TRRAP: variants seen among roughly 807,000 people sequenced by gnomAD.
TRRAP encodes the protein transformation/transcription domain associated protein, also known as transformation/transcription domain-associated protein.
Under a neutral mutation model 438.8 loss-of-function variants are expected in TRRAP, and 41 were observed. That is an observed-to-expected ratio of 0.09 (90% CI 0.07 to 0.12). The LOEUF is 0.12. Among genes scored for constraint, TRRAP ranks in the 10% least tolerant of loss-of-function variants. The probability of loss-of-function intolerance (pLI) is 1.00; values close to 1 mark genes in which losing one functional copy is unlikely to be tolerated. For missense variants in TRRAP, 3,122 were observed against 5,055.1 expected (o/e 0.62, Z 11.60); for synonymous variants, 1,994 against 1,962.9 (o/e 1.02, Z -0.42).
At chr7:98,909,072 G>A in intron 14 of TRRAP, 110 bp downstream of exon 14, 1 of 1,036,900 alleles carries the variant, frequency 9.6e-7, no homozygotes, top group East Asian at 2.6e-5. Context: ...TGCCTAGGCT[G>A]AAGTGCAGTG....
At chr7:98,913,831 T>G (rs1208070504) in intron 18 of TRRAP, among the ~76,000 whole-genome samples, 2 of 152,190 alleles carry the variant, frequency 1.3e-5, no homozygotes, top group African/African-American at 4.8e-5. Flanking sequence ...CATAGTTATA[T>G]TACTAAAAGC....
At chr7:98,932,515 A>T (rs1790368026) in intron 26 of TRRAP, among the ~76,000 whole-genome samples, 3 of 150,834 alleles carry the variant, frequency 2.0e-5, no homozygotes, top group Non-Finnish European at 1.5e-5. Context: ...TTTTCCAGCT[A>T]TTTTTTTTTA....
chr7:98,966,920 T>C, intron 49 of TRRAP, 121 bp from the exon 50 acceptor site: 1 of 1,018,282 alleles, frequency 9.8e-7, no homozygotes, highest in Admixed American at 2.7e-5. Flanking sequence ...AAGCCATCTT[T>C]GCCTTACTGT....
chr7:98,931,049 C>T (rs946137991), intron 25 of TRRAP, among the ~76,000 whole-genome samples: 1 of 152,342 alleles, frequency 6.6e-6, no homozygotes, highest in East Asian at 1.9e-4. Context: ...AGAACAGTTA[C>T]AGGCCACAGT....
chr7:98,951,710 G>A (rs561589499), intron 39 of TRRAP, among the ~76,000 whole-genome samples: 2 of 152,314 alleles, frequency 1.3e-5, no homozygotes, highest in African/African-American at 2.4e-5. Flanking sequence ...TCAAGGCAGA[G>A]GGGACTGTTG....
chr7:98,943,357 C>G (rs1790889850), intron 31 of TRRAP, among the ~76,000 whole-genome samples: 1 of 152,210 alleles, frequency 6.6e-6, no homozygotes, highest in Non-Finnish European at 1.5e-5. Context: ...CAGCTGCTGT[C>G]TACATGGTGG....
At chr7:98,914,501 A>G (rs897635740) in intron 18 of TRRAP, among the ~76,000 whole-genome samples, 1 of 152,124 alleles carries the variant, frequency 6.6e-6, no homozygotes, top group Non-Finnish European at 1.5e-5. Flanking sequence ...ATTAGATATG[A>G]CTATGCAGAA....
At chr7:98,884,604 C>T (rs1795609482) in intron 3 of TRRAP, among the ~76,000 whole-genome samples, 1 of 152,164 alleles carries the variant, frequency 6.6e-6, no homozygotes, top group South Asian at 2.1e-4. Flanking sequence ...TGTGTGCAGT[C>T]CAGCCCTCAG....
rs778834792 is a variant in TRRAP at position 98,976,618 on chromosome 7, G to T, written c.8095G>T (p.Val2699Phe). Residue 2699 changes from valine (V) to phenylalanine (F), a missense_variant, in exon 55 of 73, where the codon GTC becomes TTC. Transcript: ENST00000456197. This position sits in a 1 kb window ranked among gnomAD's most constrained non-coding sequence, Gnocchi z 4.6. ...GCCGCCAATCCCCATCCGACCCTGC[G>T]TCCTGAAGTACCTGGGGAAGACACA... ...CVPPIPIRPC[V>F]LKYLGKTHNL... The T allele has an allele frequency of 6.2e-7, 1 of 1,614,196 alleles. No homozygotes were observed. The highest frequency in any genetic ancestry group is 8.5e-7 in the Non-Finnish European group (1 of 1,180,044).
intron 33 of TRRAP, among the ~76,000 whole-genome samples, chr7:98,947,797 C>T (rs1464628283): frequency 1.3e-5 from 2 of 152,192 alleles, no homozygotes; most frequent in East Asian, 1.9e-4. Flanking sequence ...GCCCTTAGAA[C>T]TTAGTGTGTT....
chr7:98,957,174 G>A (rs1554420046), intron 43 of TRRAP, among the ~76,000 whole-genome samples: 3 of 152,158 alleles, frequency 2.0e-5, no homozygotes, highest in Admixed American at 6.5e-5. Flanking sequence ...TCACTCTGCC[G>A]CAAATAACTC....
chr7:98,937,263 G>A lies in TRRAP; in HGVS notation c.4219G>A (p.Ala1407Thr), dbSNP rs782805715. 4 of 1,612,532 alleles carry A rather than the reference G, an allele frequency of 2.5e-6. No homozygotes were observed. The highest frequency in any genetic ancestry group is 2.2e-5 in the South Asian group (2 of 91,006). The stretch of plus-strand genomic sequence containing the variant: ...TAGTGAGCTCCAAGAGGCCGGAGAA[G>A]CCTGTATGAGAAAGGTGAGTGTGTG... ...TNSELQEAGE[A>T]CMRKFLEGAT... The change falls in exon 29 of 73, where the codon GCC becomes ACC. Residue 1407 changes from alanine (A) to threonine (T), a missense_variant. This residue lies in a region of TRRAP where 108 missense variants were observed against 256.9 expected (regional missense o/e 0.42). Transcript: ENST00000456197.
At chr7:98,902,908 T>TAAA (rs34223624) in intron 11 of TRRAP, among the ~76,000 whole-genome samples, 1,409 of 132,030 alleles carry the variant, frequency 0.011, 15 homozygotes, top group South Asian at 0.017. Context: ...CCCCCATTTC[T>TAAA]AAAAAAAAAA....
intron 13 of TRRAP, among the ~76,000 whole-genome samples, chr7:98,907,234 A>T (rs576374710): frequency 2.4e-3 from 361 of 152,172 alleles, no homozygotes; most frequent in Middle Eastern, 6.8e-3. Flanking sequence ...GAGGCAGGGG[A>T]ATCGCTTGAA....
chr7:98,928,039 A>T (rs974698354), intron 23 of TRRAP, among the ~76,000 whole-genome samples: 2 of 152,066 alleles, frequency 1.3e-5, no homozygotes, highest in African/African-American at 4.8e-5. Flanking sequence ...GGGAGTTCGA[A>T]ACCAGCCTGA....
Position 98,951,010 on chromosome 7 carries a change from A to G in TRRAP, c.5463+6A>G. On this transcript the variant is annotated splice_donor_region_variant and intron_variant, in intron 39 of 72. Coordinates refer to ENST00000456197, the MANE Select transcript of TRRAP (RefSeq NM_001375524.1). ...CCAGTGTGTTTATTACCAAGGTGGTATCACTATGTGTGTGGGTGTGAGAAG... is the reference window on the plus strand; with the variant it reads ...CCAGTGTGTTTATTACCAAGGTGGTGTCACTATGTGTGTGGGTGTGAGAAG... 2 of 1,588,112 alleles carry G rather than the reference A, an allele frequency of 1.3e-6. No homozygotes were observed. The highest frequency in any genetic ancestry group is 1.7e-6 in the Non-Finnish European group (2 of 1,169,020).
In TRRAP at chr7:98,964,563, T is replaced by TG. The variant is rs927491928; in HGVS notation, c.6830-65dup. The stretch of plus-strand genomic sequence containing the variant: ...GAATACATTGTTTTGAATAATGTGT[T>TG]GCTTTCACTCTGTTTTTCGTGGTTG... On this transcript the variant is annotated intron_variant, in intron 47 of 72. Coordinates refer to ENST00000456197, the MANE Select transcript of TRRAP (RefSeq NM_001375524.1). 3.8e-6 allele frequency: 6 copies of TG among 1,568,014 alleles called. No homozygotes were observed. The African/African-American group carries it at 8.1e-5, about 21-fold the overall frequency.
At chr7:98,902,736 C>T (rs144197016) in intron 11 of TRRAP, among the ~76,000 whole-genome samples, 7 of 152,106 alleles carry the variant, frequency 4.6e-5, no homozygotes, top group Admixed American at 2.6e-4. Context: ...GTTGACTCCA[C>T]TGTTGTTCAC....
chr7:98,953,246 A>G lies in TRRAP; in HGVS notation c.5543A>G (p.Glu1848Gly). 6.2e-7 allele frequency: 1 copy of G among 1,613,510 alleles called. No individual in the cohort carries two copies. The highest frequency in any genetic ancestry group is 8.5e-7 in the Non-Finnish European group (1 of 1,179,954). Residue 1848 changes from glutamate (E) to glycine (G), a missense_variant, in exon 40 of 73, where the codon GAG becomes GGG. Transcript: ENST00000456197. ...CTGCAGTACGCCACGCTGCTGGTGGAGCACGCCCCCCACCACATCCATGAC... is the reference window on the plus strand; with the variant it reads ...CTGCAGTACGCCACGCTGCTGGTGGGGCACGCCCCCCACCACATCCATGAC... ...YLLQYATLLV[E>G]HAPHHIHDNN... is the part of the protein sequence containing the mutation.
Sources: gnomAD v4.1 joint callset for allele counts (sites outside exome capture counted in the v4.1 genomes callset) on GRCh38, gnomAD v4.1.1 for gene constraint, gnomAD v4.1.1 regional missense constraint, Gnocchi (gnomAD v3.1) non-coding constraint, MANE v1.5 for transcripts, NCBI Gene and HGNC (gene_info 2026-07-23, HGNC 2026-07-21) for gene names.